DNAAF9: variants seen among roughly 807,000 people sequenced by gnomAD.
The protein encoded by DNAAF9 is dynein axonemal assembly factor 9.
In DNAAF9, 90 loss-of-function variants were observed where a neutral mutation model predicts 167.0. The observed-to-expected ratio is 0.54, with a 90% CI of 0.45 to 0.64. The LOEUF is 0.64. Among genes scored for constraint, DNAAF9 ranks in the 30% least tolerant of loss-of-function variants. DNAAF9 has a pLI of 0.00. For missense variants in DNAAF9, 1,315 were observed against 1,442.2 expected, an observed-to-expected ratio of 0.91 and a Z score of 1.43; for synonymous variants, 491 against 508.8, an observed-to-expected ratio of 0.96 and a Z score of 0.47.
rs953466471 is a variant in DNAAF9, at chr20:3,256,120, G to A, written c.3147C>T (p.Asp1049=). The A allele has an allele frequency of 1.2e-6, 2 of 1,614,066 alleles. No individual in the cohort carries two copies. Among genetic ancestry groups the A allele is most frequent in the African/African-American group, 1.3e-5 (1 of 74,934 alleles). ...PVLEGPTPPP[D]SKSVSQDSSG... ...TGCTGTCTTGAGATACGCTTTTGGA[G>A]TCTGGTGGTGGTGTGGGTCCTTCCA... The change falls in exon 34 of 37, where the codon GAC becomes GAT. Residue 1049 remains aspartate (D), a synonymous_variant. Coordinates refer to ENST00000252032, the MANE Select transcript of DNAAF9 (RefSeq NM_001009984.3).
chr20:3,310,292 AAAG>A (rs1334744837), intron 20 of DNAAF9, among the ~76,000 whole-genome samples: 7 of 143,808 alleles, frequency 4.9e-5, no homozygotes, highest in Non-Finnish European at 1.1e-4. Flanking sequence ...GAAAGAAAGA[AAAG>A]AAAAAAGAAA....
intron 25 of DNAAF9, among the ~76,000 whole-genome samples, chr20:3,290,492 T>G (rs1451889760): frequency 6.6e-6 from 1 of 152,148 alleles, no homozygotes; most frequent in Non-Finnish European, 1.5e-5. Context: ...TTTACTAGAG[T>G]AGTAACACTA....
In DNAAF9 at chr20:3,405,074, G is replaced by A. The variant is rs79173106; in HGVS notation, c.83+2401C>T. On this transcript the variant is annotated intron_variant, in intron 1 of 36. Transcript: ENST00000252032. ...ATGAAAGGCTACACAGTATTCCCACGCATTTCACTGACCAAAAGCAACTCT... is the reference window on the plus strand; with the variant it reads ...ATGAAAGGCTACACAGTATTCCCACACATTTCACTGACCAAAAGCAACTCT... Among the ~76,000 whole-genome samples, 825 of 152,272 alleles carry A rather than the reference G, an allele frequency of 5.4e-3. 2 individuals carry two copies. Among genetic ancestry groups the A allele is most frequent in the Middle Eastern group, 6.8e-3 (2 of 294 alleles).
chr20:3,360,700 G>A (rs1370861002), intron 6 of DNAAF9, among the ~76,000 whole-genome samples: 3 of 152,124 alleles, frequency 2.0e-5, no homozygotes, highest in East Asian at 1.9e-4. Context: ...GGCATGCACC[G>A]GATTCAAGGT....
At chr20:3,363,458 C>T (rs1289406956) in intron 6 of DNAAF9, among the ~76,000 whole-genome samples, 7 of 145,276 alleles carry the variant, frequency 4.8e-5, no homozygotes, top group South Asian at 2.1e-4. Flanking sequence ...AGTGAGACTC[C>T]GTCTCAAAAA....
chr20:3,394,693 A>T (rs1426212861), intron 1 of DNAAF9, among the ~76,000 whole-genome samples: 2 of 152,182 alleles, frequency 1.3e-5, no homozygotes, highest in African/African-American at 2.4e-5. Flanking sequence ...ATATTATTTT[A>T]ATCCTCTGAT....
At chr20:3,271,270 G>T (rs952069482) in intron 29 of DNAAF9, among the ~76,000 whole-genome samples, 1 of 152,046 alleles carries the variant, frequency 6.6e-6, no homozygotes, top group Non-Finnish European at 1.5e-5. Flanking sequence ...ATATAACAGG[G>T]GTTATTCATT....
chr20:3,342,715 T>G (rs2070110749), intron 9 of DNAAF9, among the ~76,000 whole-genome samples: 1 of 152,214 alleles, frequency 6.6e-6, no homozygotes, highest in African/African-American at 2.4e-5. Flanking sequence ...AAGATGACTC[T>G]GAGTCCTAGC....
intron 6 of DNAAF9, among the ~76,000 whole-genome samples, chr20:3,367,171 C>T (rs1324085518): frequency 6.6e-6 from 1 of 152,224 alleles, no homozygotes; most frequent in Non-Finnish European, 1.5e-5. Context: ...AAATCAACCT[C>T]TGCTAGCTTT....
chr20:3,348,468 A>T, intron 8 of DNAAF9, 57 bp downstream of exon 8: 1 of 929,864 alleles, frequency 1.1e-6, no homozygotes, highest in Non-Finnish European at 1.6e-6. Context: ...ATAAAAAATT[A>T]AAACAATAAA....
chr20:3,374,682 A>T (rs551267893), intron 5 of DNAAF9, among the ~76,000 whole-genome samples: 1 of 152,222 alleles, frequency 6.6e-6, no homozygotes, highest in Non-Finnish European at 1.5e-5. Flanking sequence ...ACATGTCAGC[A>T]TATCTTTTTA....
chr20:3,295,908 C>T (rs2069067206), intron 23 of DNAAF9: 38 of 1,432,686 alleles, frequency 2.7e-5, no homozygotes, highest in Non-Finnish European at 3.6e-5. Context: ...ATTGAATGTT[C>T]TCTCAGTAAA....
chr20:3,356,853 C>T (rs996716217), intron 7 of DNAAF9, among the ~76,000 whole-genome samples: 38 of 151,610 alleles, frequency 2.5e-4, no homozygotes, highest in Non-Finnish European at 1.6e-4. Flanking sequence ...CCAGGGCCAA[C>T]ATCAGTGTAA....
At chr20:3,338,738 C>A (rs1008604416) in intron 10 of DNAAF9, among the ~76,000 whole-genome samples, 1 of 151,046 alleles carries the variant, frequency 6.6e-6, no homozygotes, top group African/African-American at 2.4e-5. Context: ...CTGCAACCTC[C>A]GCCTCCTGGG....
intron 8 of DNAAF9, among the ~76,000 whole-genome samples, chr20:3,345,309 A>G (rs906174031): frequency 1.3e-5 from 2 of 152,238 alleles, no homozygotes; most frequent in African/African-American, 4.8e-5. Context: ...ACTGATGTGT[A>G]AAAACTATAG....
At chr20:3,323,358 T>C (rs896830341) in intron 14 of DNAAF9, among the ~76,000 whole-genome samples, 2 of 140,754 alleles carry the variant, frequency 1.4e-5, no homozygotes, top group African/African-American at 5.3e-5. Flanking sequence ...CTCGACTCAC[T>C]GCAACCTCCA....
Position 3,317,056 on chromosome 20 carries a change from G to A in DNAAF9, c.1469-263C>T, listed in dbSNP as rs8121664. Among the ~76,000 whole-genome samples, 306 of 151,544 alleles carry A rather than the reference G, an allele frequency of 2.0e-3. 2 individuals are homozygous for A. The highest frequency in any genetic ancestry group is 6.8e-3 in the African/African-American group (281 of 41,326). The stretch of plus-strand genomic sequence containing the variant: ...ATTACAGATGCGTGCCACCATGCCG[G>A]GCTAATTTTTGTATTTTTAGTAGAG... On this transcript the variant is annotated intron_variant, in intron 17 of 36. Coordinates refer to ENST00000252032, the MANE Select transcript of DNAAF9 (RefSeq NM_001009984.3).
At chr20:3,353,712 A>G (rs2083247283) in intron 7 of DNAAF9, among the ~76,000 whole-genome samples, 1 of 147,416 alleles carries the variant, frequency 6.8e-6, no homozygotes, top group Non-Finnish European at 1.5e-5. Context: ...CAGACTCAGG[A>G]GGTATATTTC....
At position 3,343,665 on chromosome 20, in the gene DNAAF9, A is replaced by T. The variant is rs1372406802; in HGVS notation, c.845+11T>A. The T allele has an allele frequency of 6.2e-7, 1 of 1,608,198 alleles. No individual in the cohort carries two copies. Among genetic ancestry groups the T allele is most frequent in the South Asian group, 1.1e-5 (1 of 90,322 alleles). ...CACCATTCGCCCTTCTTCCCCAAGAAAGAAACTTACCTGTTTTCAGTTATA... is the reference window on the plus strand; with the variant it reads ...CACCATTCGCCCTTCTTCCCCAAGATAGAAACTTACCTGTTTTCAGTTATA... On this transcript the variant is annotated intron_variant, in intron 9 of 36. Coordinates refer to ENST00000252032, the MANE Select transcript of DNAAF9 (RefSeq NM_001009984.3).
Sources: allele counts gnomAD v4.1 joint callset (sites outside exome capture counted in the v4.1 genomes callset), GRCh38; gene constraint gnomAD v4.1.1; transcripts MANE v1.5; gene names NCBI Gene and HGNC (gene_info 2026-07-23, HGNC 2026-07-21).